CDH12: variants seen among roughly 807,000 people sequenced by gnomAD.
The protein encoded by CDH12 is cadherin 12.
A neutral mutation model predicts 74.1 loss-of-function variants in CDH12; 41 were observed. The observed-to-expected ratio is 0.55, with a 90% CI of 0.43 to 0.72. CDH12 has a LOEUF of 0.72. Among genes scored for constraint, CDH12 ranks in the 30% least tolerant of loss-of-function variants. The pLI is 0.00. For missense variants in CDH12, 945 were observed against 977.2 expected (o/e 0.97, Z 0.44); for synonymous variants, 399 against 355.0 (o/e 1.12, Z -1.39).
chr5:22,234,624 G>A (rs896290316), intron 3 of CDH12, among the ~76,000 whole-genome samples: 4 of 68,710 alleles, frequency 5.8e-5, no homozygotes, highest in Non-Finnish European at 1.8e-4. Flanking sequence ...CTAATACACT[G>A]CCTTAGAGCT....
chr5:22,315,382 G>C (rs770813568), intron 3 of CDH12, among the ~76,000 whole-genome samples: 7 of 151,894 alleles, frequency 4.6e-5, no homozygotes, highest in Admixed American at 2.0e-4. Context: ...GTGACGATGA[G>C]TTTATTTTTA....
chr5:22,640,196 C>T (rs538304534), intron 1 of CDH12, among the ~76,000 whole-genome samples: 4 of 152,190 alleles, frequency 2.6e-5, no homozygotes, highest in African/African-American at 9.6e-5. Flanking sequence ...TTTTGCCAGC[C>T]TCCATGACAA....
chr5:22,776,113 A>T (rs1747086135), intron 1 of CDH12, among the ~76,000 whole-genome samples: 1 of 152,156 alleles, frequency 6.6e-6, no homozygotes, highest in Non-Finnish European at 1.5e-5. Context: ...AGCAGCATGA[A>T]TGCGGACTAA....
intron 7 of CDH12, among the ~76,000 whole-genome samples, chr5:21,854,035 T>G (rs983599921): frequency 2.6e-5 from 4 of 151,646 alleles, no homozygotes; most frequent in Non-Finnish European, 4.4e-5. Flanking sequence ...GTGACCTCAT[T>G]TATTTAAAAG....
rs113364783 is a variant in CDH12, at chr5:22,674,271, G to T, written c.-522-168907C>A. 2.6e-5 allele frequency among the ~76,000 whole-genome samples: 4 copies of T among 152,162 alleles called. No homozygotes were observed. The South Asian group carries it at 6.2e-4, about 24-fold the overall frequency. ...TGAATCATAGGGGCAGGTCTTTTCC[G>T]TGCTGTTCTCATTATAGTGAATAAG... On this transcript the variant is annotated intron_variant, in intron 1 of 14. Coordinates refer to ENST00000382254, the MANE Select transcript of CDH12 (RefSeq NM_004061.5).
chr5:22,038,150 T>A (rs2150180487), intron 5 of CDH12, among the ~76,000 whole-genome samples: 1 of 152,226 alleles, frequency 6.6e-6, no homozygotes, highest in South Asian at 2.1e-4. Context: ...CCTTTGGAAA[T>A]GCAACTACTG....
At chr5:22,294,539 C>T (rs746757042) in intron 3 of CDH12, among the ~76,000 whole-genome samples, 19 of 152,136 alleles carry the variant, frequency 1.2e-4, no homozygotes, top group Non-Finnish European at 2.6e-4. Context: ...TGCTCTTACA[C>T]AAGGAACTTT....
intron 14 of CDH12, among the ~76,000 whole-genome samples, chr5:21,753,133 C>A (rs1007584924): frequency 1.3e-5 from 2 of 152,166 alleles, no homozygotes; most frequent in African/African-American, 2.4e-5. Context: ...TAACCCCTCT[C>A]CTCCATAGTG....
chr5:22,615,936 TCTAA>T (rs1420107410), intron 1 of CDH12, among the ~76,000 whole-genome samples: 2 of 152,134 alleles, frequency 1.3e-5, no homozygotes, highest in African/African-American at 4.8e-5. Context: ...TCCCATGCTA[TCTAA>T]CTATCACCCT....
intron 3 of CDH12, among the ~76,000 whole-genome samples, chr5:22,335,869 A>C (rs1049242314): frequency 3.9e-5 from 6 of 152,214 alleles, no homozygotes; most frequent in Non-Finnish European, 7.3e-5. Context: ...ATGTAGAGGC[A>C]AGCCACTTTG....
intron 6 of CDH12, among the ~76,000 whole-genome samples, chr5:21,872,791 T>G (rs201492979): frequency 0.39 from 45,333 of 116,788 alleles, 8,183 homozygotes; most frequent in Non-Finnish European, 0.44. Context: ...AAGATCTATC[T>G]ATCTATCTAT....
chr5:22,598,065 T>G (rs184094283), intron 1 of CDH12, among the ~76,000 whole-genome samples: 24 of 152,290 alleles, frequency 1.6e-4, no homozygotes, highest in African/African-American at 5.8e-4. Context: ...ACCTGAATTC[T>G]AATTGTATCA....
chr5:22,530,576 A>T (rs1737543866), intron 1 of CDH12, among the ~76,000 whole-genome samples: 1 of 152,062 alleles, frequency 6.6e-6, no homozygotes, highest in Admixed American at 6.6e-5. Context: ...TATATTTAAT[A>T]GTTTAACTTG....
At chr5:21,829,347 ATTT>A (rs1748876355) in intron 8 of CDH12, among the ~76,000 whole-genome samples, 1 of 152,166 alleles carries the variant, frequency 6.6e-6, no homozygotes, top group Non-Finnish European at 1.5e-5. Flanking sequence ...ACCACTCCCT[ATTT>A]TTACACTAGC....
intron 4 of CDH12, among the ~76,000 whole-genome samples, chr5:22,173,091 G>A (rs1404194930): frequency 3.3e-5 from 5 of 151,110 alleles, no homozygotes; most frequent in African/African-American, 7.3e-5. Context: ...CCATTTCTAC[G>A]TTCTGTCCTC....
chr5:22,141,812 A>C (rs2150298682), intron 4 of CDH12, among the ~76,000 whole-genome samples: 1 of 152,286 alleles, frequency 6.6e-6, no homozygotes, highest in Non-Finnish European at 1.5e-5. Flanking sequence ...AATAGTTAAC[A>C]CTCATAATGC....
chr5:22,561,886 T>C (rs1045824238), intron 1 of CDH12, among the ~76,000 whole-genome samples: 2 of 152,226 alleles, frequency 1.3e-5, no homozygotes, highest in Non-Finnish European at 1.5e-5. Context: ...GAATATTAAG[T>C]ATCTATTAAA....
At chr5:22,555,240 AT>A (rs1271799786) in intron 1 of CDH12, among the ~76,000 whole-genome samples, 1 of 151,992 alleles carries the variant, frequency 6.6e-6, no homozygotes, top group Non-Finnish European at 1.5e-5. Context: ...AAAAAATTGT[AT>A]TTTTTTCATA....
At chr5:22,801,577 A>C (rs1230415658) in intron 1 of CDH12, among the ~76,000 whole-genome samples, 1 of 146,618 alleles carries the variant, frequency 6.8e-6, no homozygotes, top group African/African-American at 2.5e-5. Context: ...ATCTTAACAA[A>C]CTTAACATTT....
Sources: allele counts gnomAD v4.1 joint callset (sites outside exome capture counted in the v4.1 genomes callset), GRCh38; gene constraint gnomAD v4.1.1; transcripts MANE v1.5; gene names NCBI Gene and HGNC (gene_info 2026-07-23, HGNC 2026-07-21).